The following IL12RB1 variants were observed in gnomAD, a reference collection of about 807,000 sequenced individuals.
IL12RB1 encodes interleukin-12 receptor subunit beta-1.
A neutral mutation model predicts 94.4 loss-of-function variants in IL12RB1; 64 were observed. The observed-to-expected ratio is 0.68, with a 90% CI of 0.55 to 0.83. The LOEUF is 0.83. Among genes scored for constraint, IL12RB1 ranks in the 40% least tolerant of loss-of-function variants. The pLI, the probability that IL12RB1 is intolerant of heterozygous loss-of-function variation, is 0.00. For missense variants in IL12RB1, 814 were observed against 855.6 expected, an observed-to-expected ratio of 0.95 and a Z score of 0.61; for synonymous variants, 362 against 355.5, an observed-to-expected ratio of 1.02 and a Z score of -0.21.
intron 8 of IL12RB1, among the ~76,000 whole-genome samples, chr19:18,072,720 G>C (rs1279091818): frequency 6.6e-6 from 1 of 152,050 alleles, no homozygotes; most frequent in Non-Finnish European, 1.5e-5. Flanking sequence ...GGCCGAGACG[G>C]GTAGATCATG....
At position 18,076,319 on chromosome 19, in the gene IL12RB1, G is replaced by A. The variant is rs777777175; in HGVS notation, c.558C>T (p.Cys186=). 44 of 1,420,434 alleles carry A rather than the reference G, an allele frequency of 3.1e-5. No individual in the cohort carries two copies. Among genetic ancestry groups the A allele is most frequent in the Non-Finnish European group, 3.7e-5 (37 of 1,003,330 alleles). The allele number at this position is 1,420,434 out of a possible 1,614,324, so 88.0% of individuals were successfully genotyped here. The change falls in exon 6 of 17, where the codon TGC becomes TGT. Residue 186 remains cysteine (C), a synonymous_variant. Transcript: ENST00000593993. ...TPSSPWKLGD[C]GPQDDDTESC... is the part of the protein sequence containing the mutation. ...CACCAGTATCATCATCCTGAGGTCC[G>A]CAGTCGCCCTAGAATAAAAACATAT...
At chr19:18,097,125 C>T (rs1422799098) in intron 1 of IL12RB1, among the ~76,000 whole-genome samples, 1 of 152,104 alleles carries the variant, frequency 6.6e-6, no homozygotes, top group South Asian at 2.1e-4. Context: ...GATCCTCACT[C>T]GCCTCACCCT....
chr19:18,069,201 T>C (rs888375649), intron 10 of IL12RB1, among the ~76,000 whole-genome samples: 15 of 152,100 alleles, frequency 9.9e-5, no homozygotes, highest in African/African-American at 3.6e-4. Flanking sequence ...GGCCCCCCTT[T>C]CCCTAAAGAC....
chr19:18,060,797 A>T (rs981224930), intron 15 of IL12RB1, among the ~76,000 whole-genome samples: 3 of 152,154 alleles, frequency 2.0e-5, no homozygotes, highest in Non-Finnish European at 4.4e-5. Flanking sequence ...TTCCAATCAG[A>T]GAAGGCTCAG....
chr19:18,077,716 T>A, intron 4 of IL12RB1, 61 bp from the exon 5 acceptor site: 1 of 1,039,318 alleles, frequency 9.6e-7, no homozygotes, highest in Non-Finnish European at 1.5e-6. Flanking sequence ...TAATGGGCCC[T>A]GAAAATCCAC....
chr19:18,075,215 G>A (rs1337077667), intron 7 of IL12RB1, among the ~76,000 whole-genome samples: 1 of 149,198 alleles, frequency 6.7e-6, no homozygotes, highest in Admixed American at 6.7e-5. Context: ...TCTAATACCT[G>A]CTGCCTTATT....
rs1199181796 is a variant in IL12RB1, at chr19:18,066,566, C to G, written c.1459G>C (p.Asp487His). ...VLKEYVVRCR[D>H]EDSKQVSEHP... ...CCTGACACCTGTTTGCTGTCTTCATCTCGGCAGCGGACAACATACTCCTTT... is the reference window on the plus strand; with the variant it reads ...CCTGACACCTGTTTGCTGTCTTCATGTCGGCAGCGGACAACATACTCCTTT... Residue 487 changes from aspartate to histidine, a missense_variant, in exon 12 of 17, where the codon GAT becomes CAT. Physicochemically the swap from Asp to His is moderately conservative, Grantham distance 81. Transcript: ENST00000593993. 6.2e-7 allele frequency: 1 copy of G among 1,613,508 alleles called. No homozygotes were observed. Among genetic ancestry groups the G allele is most frequent in the South Asian group, 1.1e-5 (1 of 91,076 alleles).
chr19:18,091,472 G>A (rs1309483936), upstream of IL12RB1: 1 of 152,238 alleles, frequency 6.6e-6, no homozygotes, highest in Non-Finnish European at 1.5e-5. Flanking sequence ...CTCAGGGAGA[G>A]AGACCTTCAG....
rs760535885 is a variant in IL12RB1, at chr19:18,059,602, C to A, written c.*6G>T. ...CGAGTCACTCACCCTCTCTGAGCCT[C>A]AACGATCACATCTGTAAAGTACAAC... On this transcript the variant is annotated 3_prime_UTR_variant, in exon 17 of 17. Coordinates refer to ENST00000593993, the MANE Select transcript of IL12RB1 (RefSeq NM_005535.3). 2.6e-5 allele frequency: 20 copies of A among 780,530 alleles called. 1 individual carries two copies. The South Asian group carries it at 2.7e-4, about 10-fold the overall frequency. 48.4% of individuals were successfully genotyped at this position (780,530 alleles called of 1,614,324 possible). A position where few individuals can be genotyped will look rare whatever the true frequency, so the allele number is the denominator to read the frequency against.
intron 9 of IL12RB1, 64 bp downstream of exon 9, chr19:18,072,048 G>T: frequency 9.0e-7 from 1 of 1,109,866 alleles, no homozygotes; most frequent in East Asian, 2.3e-5. Flanking sequence ...GTCTAGCTGA[G>T]GCTCAGAGTA....
upstream of IL12RB1, among the ~76,000 whole-genome samples, chr19:18,089,917 G>T (rs1338116759): frequency 6.6e-6 from 1 of 152,198 alleles, no homozygotes; most frequent in East Asian, 1.9e-4. Context: ...AGTGTCCTGG[G>T]CCTGGCACAG....
In IL12RB1 at chr19:18,080,919, GCA is replaced by G; in HGVS notation, c.320_321del (p.Val107AlafsTer21). The stretch of plus-strand genomic sequence containing the variant: ...TCCACCCAGAGTGTGACAGTGTACA[GCA>G]CAGACACCCCAGCCTGGTCGGAGAA... ...LQFSDQAGVSVLYTVTLWVES... is the reference protein window; with the variant it reads ...LQFSDQAGVSXLYTVTLWVES... On this transcript the variant is annotated frameshift_variant, in exon 4 of 17. Transcript: ENST00000593993. LOFTEE classifies it high-confidence loss of function. 1 of 1,613,658 alleles carries G rather than the reference GCA, an allele frequency of 6.2e-7. No homozygotes were observed. Among genetic ancestry groups the G allele is most frequent in the East Asian group, 2.2e-5 (1 of 44,876 alleles).
At chr19:18,086,633 T>C (rs1300074128) in intron 1 of IL12RB1, 127 bp downstream of exon 1, 3 of 850,244 alleles carry the variant, frequency 3.5e-6, no homozygotes, top group Non-Finnish European at 5.4e-6. Flanking sequence ...CATCTCCCAT[T>C]TGACAGCAGG....
At chr19:18,093,896 C>A (rs1017581901) in intron 1 of IL12RB1, among the ~76,000 whole-genome samples, 1 of 152,118 alleles carries the variant, frequency 6.6e-6, no homozygotes, top group Non-Finnish European at 1.5e-5. Context: ...TTCTCAGGGA[C>A]CTTCAGCCCG....
At chr19:18,067,518 T>C (rs902897933) in intron 11 of IL12RB1, among the ~76,000 whole-genome samples, 1 of 151,864 alleles carries the variant, frequency 6.6e-6, no homozygotes, top group Non-Finnish European at 1.5e-5. Flanking sequence ...AAATGGACAA[T>C]GCTGGCCGGG....
chr19:18,070,154 C>T (rs1006769076), intron 9 of IL12RB1, among the ~76,000 whole-genome samples: 1 of 152,080 alleles, frequency 6.6e-6, no homozygotes, highest in South Asian at 2.1e-4. Flanking sequence ...TCCTGACCTC[C>T]AGTGATCCAC....
upstream of IL12RB1, among the ~76,000 whole-genome samples, chr19:18,089,934 CG>C (rs5827397): frequency 7.7e-3 from 1,165 of 152,224 alleles, 16 homozygotes; most frequent in African/African-American, 0.026. Flanking sequence ...ACAGTGGGGA[CG>C]GGGGCCCTGT....
At chr19:18,067,872 T>A (rs1446153090) in intron 11 of IL12RB1, among the ~76,000 whole-genome samples, 2 of 152,080 alleles carry the variant, frequency 1.3e-5, no homozygotes, top group Non-Finnish European at 2.9e-5. Context: ...AACTTTTTTC[T>A]TTCTGTAGAG....
Position 18,069,656 on chromosome 19 carries a change from G to T in IL12RB1, c.1079C>A (p.Ala360Asp). 1 of 1,613,010 alleles carries T rather than the reference G, an allele frequency of 6.2e-7. No homozygotes were observed. Among genetic ancestry groups the T allele is most frequent in the Non-Finnish European group, 8.5e-7 (1 of 1,179,294 alleles). Residue 360 changes from alanine (A) to aspartate (D), a missense_variant, in exon 10 of 17, where the codon GCC becomes GAC. Transcript: ENST00000593993. ...GCAATACGTCATGCTCTGAGCCCGG[G>T]CTGGCCAATACATGGTGGTCCCGTT... is the stretch of plus-strand genomic sequence containing the variant. ...GTNGTTMYWP[A>D]RAQSMTYCIE... is the part of the protein sequence containing the mutation.
Sources: gnomAD v4.1 joint callset for allele counts (sites outside exome capture counted in the v4.1 genomes callset) on GRCh38, gnomAD v4.1.1 for gene constraint, MANE v1.5 for transcripts, NCBI Gene and HGNC (gene_info 2026-07-23, HGNC 2026-07-21) for gene names.